ETV7: variants seen among roughly 807,000 people sequenced by gnomAD.
The protein encoded by ETV7 is transcription factor ETV7.
ETV7 carries 43 observed loss-of-function variants against 39.1 expected under a neutral mutation model. That is an observed-to-expected ratio of 1.10 (90% CI 0.86 to 1.42). ETV7 has a LOEUF of 1.42. Among genes scored for constraint, ETV7 ranks in the 40% most tolerant of loss-of-function variants. ETV7 has a pLI of 0.00. For synonymous variants in ETV7, 196 were observed against 176.6 expected (o/e 1.11, Z -0.87); for missense variants, 432 against 442.3 (o/e 0.98, Z 0.21).
At chr6:36,355,078 CAG>C (rs1225222196) in intron 7 of ETV7, among the ~76,000 whole-genome samples, 1 of 152,124 alleles carries the variant, frequency 6.6e-6, no homozygotes, top group Admixed American at 6.5e-5. Context: ...TATCTATGAA[CAG>C]AGATAGTTTT....
Position 36,373,457 on chromosome 6 carries a change from C to G in ETV7, c.429G>C (p.Pro143=). 1 of 1,558,098 alleles carries G rather than the reference C, an allele frequency of 6.4e-7. No individual in the cohort carries two copies. The highest frequency in any genetic ancestry group is 8.6e-7 in the Non-Finnish European group (1 of 1,156,656). Residue 143 remains proline (P), a synonymous_variant, in exon 4 of 8, where the codon CCG becomes CCC. Coordinates refer to ENST00000340181, the MANE Select transcript of ETV7 (RefSeq NM_016135.4). ...CACCACAGAGAGCTTCCTCACCTTC[C>G]GGGGGGACTGGAGAGTGCTGGGTGG... ...KTPTQHSPVP[P]EEVTGPSQMD... is the part of the protein sequence containing the mutation.
intron 5 of ETV7, 91 bp downstream of exon 5, chr6:36,371,239 C>T (rs1772999604): frequency 8.0e-7 from 1 of 1,248,108 alleles, no homozygotes; most frequent in Admixed American, 2.0e-5. Context: ...CTCCCATCAC[C>T]AGGTCAAAAT....
chr6:36,365,564 TGGGGA>T (rs1772682121), downstream of ETV7, among the ~76,000 whole-genome samples: 3 of 151,974 alleles, frequency 2.0e-5, no homozygotes, highest in South Asian at 6.2e-4. Flanking sequence ...GCCACAAGTG[TGGGGA>T]CGGGGGCCAG....
At chr6:36,380,243 C>T (rs1342767906) in intron 2 of ETV7, among the ~76,000 whole-genome samples, 2 of 152,208 alleles carry the variant, frequency 1.3e-5, no homozygotes, top group African/African-American at 4.8e-5. Flanking sequence ...GTAACTGGGG[C>T]TCCCCTTCCC....
intron 1 of ETV7, 104 bp from the exon 2 acceptor site, chr6:36,385,773 C>G: frequency 7.9e-7 from 1 of 1,267,390 alleles, no homozygotes; most frequent in East Asian, 2.4e-5. Context: ...GAGTGTTTAT[C>G]TCCACCAGAA....
intron 1 of ETV7, among the ~76,000 whole-genome samples, chr6:36,386,158 T>A (rs1773887206): frequency 6.6e-6 from 1 of 152,080 alleles, no homozygotes; most frequent in Non-Finnish European, 1.5e-5. Context: ...TGAAACATTA[T>A]CTCTACGAAA....
At chr6:36,370,321 G>A (rs1772951057) in intron 5 of ETV7, among the ~76,000 whole-genome samples, 1 of 152,072 alleles carries the variant, frequency 6.6e-6, no homozygotes, top group Non-Finnish European at 1.5e-5. Flanking sequence ...GATCACCTGA[G>A]GTCAGGAGTT....
chr6:36,375,802 C>A, intron 3 of ETV7, 69 bp downstream of exon 3: 1 of 1,608,698 alleles, frequency 6.2e-7, no homozygotes, highest in Non-Finnish European at 8.5e-7. Flanking sequence ...CTGGGCCCCC[C>A]GGGGGTACTT....
chr6:36,374,404 T>C (rs6457907), intron 3 of ETV7, among the ~76,000 whole-genome samples: 109,615 of 151,848 alleles, frequency 0.72, 40,252 homozygotes, highest in African/African-American at 0.85. Context: ...CCAGAAATCT[T>C]CTTTGACTCA....
At chr6:36,357,616 C>T (rs567629810) in intron 7 of ETV7, among the ~76,000 whole-genome samples, 1 of 152,100 alleles carries the variant, frequency 6.6e-6, no homozygotes, top group Non-Finnish European at 1.5e-5. Flanking sequence ...CTGGCTCATG[C>T]CTGTAATCCC....
intron 5 of ETV7, 43 bp from the exon 6 acceptor site, chr6:36,369,114 GA>G (rs1387930205): frequency 1.2e-6 from 2 of 1,610,908 alleles, no homozygotes; most frequent in South Asian, 2.2e-5. Context: ...AGCTTTACTG[GA>G]GCTGTGAGGA....
At chr6:36,359,937 G>T (rs1772442285) in intron 7 of ETV7, among the ~76,000 whole-genome samples, 1 of 151,626 alleles carries the variant, frequency 6.6e-6, no homozygotes, top group African/African-American at 2.4e-5. Flanking sequence ...TCACTCTGAT[G>T]CCAGGCTGGA....
intron 2 of ETV7, among the ~76,000 whole-genome samples, chr6:36,378,916 C>T (rs1773509493): frequency 6.6e-6 from 1 of 152,188 alleles, no homozygotes. Context: ...AGACATGTCA[C>T]CTCAATAGTC....
downstream of ETV7, among the ~76,000 whole-genome samples, chr6:36,363,263 CAG>C (rs1433005276): frequency 6.6e-6 from 1 of 152,042 alleles, no homozygotes. Context: ...CCGACGTGTT[CAG>C]AGTTTCTTCC....
At chr6:36,376,498 C>T (rs979526602) in intron 2 of ETV7, among the ~76,000 whole-genome samples, 4 of 152,294 alleles carry the variant, frequency 2.6e-5, no homozygotes, top group African/African-American at 7.2e-5. Context: ...GTGTTACTGG[C>T]CAGGCGCGGT....
rs1772810874 is a variant in ETV7 at position 36,367,877 on chromosome 6, G to T, written c.808-902C>A. Among the ~76,000 whole-genome samples, 3 of 152,134 alleles carry T rather than the reference G, an allele frequency of 2.0e-5. No individual in the cohort carries two copies. In the South Asian group the frequency reaches 6.2e-4, roughly 31 times the overall value. On this transcript the variant is annotated intron_variant, in intron 6 of 7. Coordinates refer to ENST00000340181, the MANE Select transcript of ETV7 (RefSeq NM_016135.4). The stretch of plus-strand genomic sequence containing the variant: ...GGAGAACACCCATCGCATAAGTCAA[G>T]GATTAAATTATTAATAGCTAATCCA...
At chr6:36,364,397 G>C (rs978357961), downstream of ETV7, among the ~76,000 whole-genome samples, 2 of 152,244 alleles carry the variant, frequency 1.3e-5, no homozygotes, top group African/African-American at 4.8e-5. Context: ...GCTAAGGCCC[G>C]GTGAGAAATC....
chr6:36,371,367 G>A lies in ETV7; in HGVS notation c.627C>T (p.Pro209=), dbSNP rs1026774458. ...GCRTQGVCSF[P]AMPQAPIDGR... The stretch of plus-strand genomic sequence containing the variant: ...CGTCAATGGGGGCCTGCGGCATCGC[G>A]GGGAAGGAACAGACCCCCTGGGTCC... Residue 209 remains proline, a synonymous_variant, in exon 5 of 8, where the codon CCC becomes CCT. Coordinates refer to ENST00000340181, the MANE Select transcript of ETV7 (RefSeq NM_016135.4). The A allele has an allele frequency of 2.1e-5, 33 of 1,599,662 alleles. No individual in the cohort carries two copies. The highest frequency in any genetic ancestry group is 2.6e-5 in the Non-Finnish European group (30 of 1,172,342).
downstream of ETV7, among the ~76,000 whole-genome samples, chr6:36,364,366 G>C (rs192311858): frequency 6.6e-6 from 1 of 152,242 alleles, no homozygotes; most frequent in Non-Finnish European, 1.5e-5. Flanking sequence ...CAGGTCCCCA[G>C]CCCTGCCCCG....
Sources: allele counts gnomAD v4.1 joint callset (sites outside exome capture counted in the v4.1 genomes callset), GRCh38; gene constraint gnomAD v4.1.1; transcripts MANE v1.5; gene names NCBI Gene and HGNC (gene_info 2026-07-23, HGNC 2026-07-21).